Variants in RTN4 observed in about 807,000 individuals in gnomAD.
RTN4 encodes the protein reticulon-4.
Under a neutral mutation model 90.4 loss-of-function variants are expected in RTN4, and 32 were observed. That is an observed-to-expected ratio of 0.35 (90% CI 0.27 to 0.48). The LOEUF is 0.48. RTN4 is among the 20% of genes least tolerant of loss of function. The pLI is 0.99. For missense variants in RTN4, 1,706 were observed against 1,430.2 expected (o/e 1.19, Z -3.11); for synonymous variants, 629 against 552.5 (o/e 1.14, Z -1.94).
exon 1 of RTN4, chr2:55,112,603 A>G (rs1668057831): frequency 6.6e-6 from 1 of 152,284 alleles, no homozygotes; most frequent in Non-Finnish European, 1.5e-5. Context: ...CTGTGTCTGC[A>G]GCAGTCCTCA....
At chr2:55,010,236 T>A (rs1680534888) in intron 3 of RTN4, 1 of 1,571,042 alleles carries the variant, frequency 6.4e-7, no homozygotes, top group Admixed American at 1.8e-5. Flanking sequence ...TCAACCGAAG[T>A]CTGCAGTCTC....
At chr2:55,070,803 G>GTC (rs903430788) in intron 2 of RTN4, among the ~76,000 whole-genome samples, 3 of 151,452 alleles carry the variant, frequency 2.0e-5, no homozygotes, top group Admixed American at 6.6e-5. Flanking sequence ...TTTTGACAGA[G>GTC]TCTCTCTCTC....
At chr2:55,108,590 G>T (rs926002491) in intron 1 of RTN4, among the ~76,000 whole-genome samples, 3 of 151,962 alleles carry the variant, frequency 2.0e-5, no homozygotes, top group African/African-American at 7.3e-5. Flanking sequence ...AGGGATGGGG[G>T]AAGAGGGGTA....
intron 1 of RTN4, among the ~76,000 whole-genome samples, chr2:55,032,529 C>T (rs982506826): frequency 1.3e-5 from 2 of 151,692 alleles, no homozygotes; most frequent in African/African-American, 4.8e-5. Context: ...ATTATATTAA[C>T]TGAAAATAAT....
At chr2:55,130,692 A>C in the RTN4 span, among the ~76,000 whole-genome samples, 1 of 152,210 alleles carries the variant, frequency 6.6e-6, no homozygotes, top group African/African-American at 2.4e-5. Context: ...TGGAGGTTGC[A>C]GTAAGTCAAG....
the RTN4 span, among the ~76,000 whole-genome samples, chr2:55,133,915 G>A: frequency 1.3e-5 from 2 of 152,152 alleles, no homozygotes; most frequent in South Asian, 4.1e-4. Flanking sequence ...GAATGAAAGG[G>A]TGGAGAGTCC....
At chr2:55,107,140 C>T (rs554147149) in intron 1 of RTN4, among the ~76,000 whole-genome samples, 4 of 151,292 alleles carry the variant, frequency 2.6e-5, no homozygotes, top group African/African-American at 9.7e-5. Context: ...CACTTCAAAA[C>T]ACTGATATGA....
At chr2:55,115,648 C>G (rs1410863405), upstream of RTN4, among the ~76,000 whole-genome samples, 1 of 152,226 alleles carries the variant, frequency 6.6e-6, no homozygotes, top group African/African-American at 2.4e-5. Context: ...GCAGTCTGCT[C>G]CCAATAGCCC....
At chr2:55,049,067 G>T (rs1439516545) in intron 1 of RTN4, 1 of 980,562 alleles carries the variant, frequency 1.0e-6, no homozygotes, top group Non-Finnish European at 1.2e-6. Context: ...CTGGGCGGTG[G>T]CAGGACTTTA....
the RTN4 span, among the ~76,000 whole-genome samples, chr2:55,128,310 A>AT: frequency 1.3e-5 from 2 of 151,734 alleles, no homozygotes; most frequent in East Asian, 1.9e-4. Flanking sequence ...GTGGCCTCAC[A>AT]TTTTTTTTGC....
intron 1 of RTN4, among the ~76,000 whole-genome samples, chr2:55,041,180 G>T (rs1683050652): frequency 6.6e-6 from 1 of 151,178 alleles, no homozygotes; most frequent in South Asian, 2.1e-4. Context: ...GTATAATTCA[G>T]TATGTTACAA....
At chr2:55,125,481 T>A in the RTN4 span, among the ~76,000 whole-genome samples, 48 of 152,328 alleles carry the variant, frequency 3.2e-4, no homozygotes, top group African/African-American at 9.6e-4. Context: ...AAAGAAGACA[T>A]ATGGCCGGGT....
chr2:55,001,590 A>C (rs1490975250), intron 3 of RTN4, among the ~76,000 whole-genome samples: 1 of 152,220 alleles, frequency 6.6e-6, no homozygotes, highest in Non-Finnish European at 1.5e-5. Context: ...ATGTCTTGTC[A>C]GATAAAACCA....
chr2:55,049,512 G>A (rs188341482), intron 1 of RTN4: 5 of 625,030 alleles, frequency 8.0e-6, no homozygotes, highest in African/African-American at 3.8e-5. Flanking sequence ...GGAGCCGGGA[G>A]CGGTGCACGT....
At chr2:55,022,529 C>T (rs1681516169) in intron 3 of RTN4, among the ~76,000 whole-genome samples, 1 of 152,112 alleles carries the variant, frequency 6.6e-6, no homozygotes, top group Admixed American at 6.6e-5. Flanking sequence ...GAGGTCAGTA[C>T]CCTCTGCTCA....
chr2:55,006,857 C>A (rs1349007688), intron 3 of RTN4, among the ~76,000 whole-genome samples: 1 of 152,120 alleles, frequency 6.6e-6, no homozygotes, highest in Non-Finnish European at 1.5e-5. Flanking sequence ...AGAACCTCCT[C>A]ATTTTCCCTA....
At chr2:55,056,964 G>T (rs1237134996) in intron 2 of RTN4, among the ~76,000 whole-genome samples, 1 of 152,146 alleles carries the variant, frequency 6.6e-6, no homozygotes, top group Non-Finnish European at 1.5e-5. Flanking sequence ...TCAAAATAAG[G>T]CTTGTTATCC....
rs1027289976 is a variant in RTN4, at chr2:55,064,036, C to T, written c.-63+16453G>A. 3.3e-5 allele frequency among the ~76,000 whole-genome samples: 5 copies of T among 151,910 alleles called. No homozygotes were observed. In the East Asian group the frequency reaches 9.7e-4, roughly 29 times the overall value. Reference sequence around the variant, plus strand: ...AGGATTTCAAGACAAACCTGGGCAACAAAGTGAGACCCTCTCTCCTCAAAA... The same window carrying T: ...AGGATTTCAAGACAAACCTGGGCAATAAAGTGAGACCCTCTCTCCTCAAAA... On this transcript the variant is annotated intron_variant, in intron 2 of 3. Coordinates refer to the RTN4 transcript ENST00000427710.
chr2:54,978,115 A>G (rs1677795346), intron 5 of RTN4, among the ~76,000 whole-genome samples: 2 of 152,202 alleles, frequency 1.3e-5, no homozygotes, highest in Non-Finnish European at 2.9e-5. Context: ...TTTCTGAGGA[A>G]GATGGTTTCA....
Sources: gnomAD v4.1 joint callset for allele counts (sites outside exome capture counted in the v4.1 genomes callset) on GRCh38, gnomAD v4.1.1 for gene constraint, MANE v1.5 for transcripts, NCBI Gene and HGNC (gene_info 2026-07-23, HGNC 2026-07-21) for gene names.